The following IGF1R variants were observed in gnomAD, a reference collection of about 807,000 sequenced individuals.
IGF1R encodes insulin-like growth factor 1 receptor.
IGF1R carries 44 observed loss-of-function variants against 144.6 expected under a neutral mutation model. The observed-to-expected ratio is 0.30, with a 90% CI of 0.24 to 0.39. IGF1R has a LOEUF of 0.39. IGF1R is among the 10% of genes least tolerant of loss of function. IGF1R has a pLI of 1.00. For synonymous variants in IGF1R, 795 were observed against 722.8 expected (o/e 1.10, Z -1.60); for missense variants, 1,355 against 1,833.7 (o/e 0.74, Z 4.77).
rs891454274 is a variant in IGF1R, at chr15:98,868,270, T to C, written c.641-23055T>C. Among the ~76,000 whole-genome samples, 3 of 131,908 alleles carry C rather than the reference T, an allele frequency of 2.3e-5. No homozygotes were observed. The South Asian group carries it at 6.9e-4, about 30-fold the overall frequency. The allele number at this position is 131,908 out of a possible 152,430, so 86.5% of individuals were successfully genotyped here. On this transcript the variant is annotated intron_variant, in intron 2 of 20. Coordinates refer to ENST00000650285, the MANE Select transcript of IGF1R (RefSeq NM_000875.5). The stretch of plus-strand genomic sequence containing the variant: ...GCTGAGATGGAGGTCAAGGCTTCAG[T>C]GAGCCATGATGGCACCACTGCACTC...
At chr15:98,709,501 T>A (rs2053943869) in intron 2 of IGF1R, among the ~76,000 whole-genome samples, 1 of 152,254 alleles carries the variant, frequency 6.6e-6, no homozygotes, top group African/African-American at 2.4e-5. Context: ...TATGCTAAAG[T>A]CACTTGTGTG....
At chr15:98,912,477 C>G (rs1369711969) in intron 7 of IGF1R, among the ~76,000 whole-genome samples, 1 of 152,204 alleles carries the variant, frequency 6.6e-6, no homozygotes, top group African/African-American at 2.4e-5. Flanking sequence ...GTGCGAAGTA[C>G]TATATTCTCT....
intron 2 of IGF1R, among the ~76,000 whole-genome samples, chr15:98,789,928 T>C (rs2056090370): frequency 6.6e-6 from 1 of 152,204 alleles, no homozygotes; most frequent in Non-Finnish European, 1.5e-5. Context: ...CCTGATTTGC[T>C]TCAGATGTAC....
intron 2 of IGF1R, among the ~76,000 whole-genome samples, chr15:98,803,966 G>C (rs1384759644): frequency 6.6e-6 from 1 of 152,168 alleles, no homozygotes; most frequent in Non-Finnish European, 1.5e-5. Context: ...TGGCAGCACG[G>C]GTTTGTTTGC....
At chr15:98,843,463 A>G (rs1207719930) in intron 2 of IGF1R, among the ~76,000 whole-genome samples, 3 of 152,224 alleles carry the variant, frequency 2.0e-5, no homozygotes, top group Non-Finnish European at 4.4e-5. Flanking sequence ...GGTTTGTCTT[A>G]GCAATTTTGA....
intron 2 of IGF1R, among the ~76,000 whole-genome samples, chr15:98,749,849 ATAAT>A (rs937207549): frequency 6.6e-6 from 1 of 151,704 alleles, no homozygotes; most frequent in Non-Finnish European, 1.5e-5. Flanking sequence ...ACCTGAAAAA[ATAAT>A]TTTATCGTTT....
At chr15:98,678,794 G>C (rs1237488895) in intron 1 of IGF1R, among the ~76,000 whole-genome samples, 3 of 152,194 alleles carry the variant, frequency 2.0e-5, no homozygotes, top group African/African-American at 7.2e-5. Context: ...AAGGTGGTGG[G>C]ATTAACAGGT....
chr15:98,909,502 ACGTG>A (rs1486917236), intron 6 of IGF1R, among the ~76,000 whole-genome samples: 17 of 151,932 alleles, frequency 1.1e-4, no homozygotes, highest in African/African-American at 4.1e-4. Context: ...CAAATGATCC[ACGTG>A]CCTCAGCCTC....
At chr15:98,851,065 TG>T (rs1417806821) in intron 2 of IGF1R, among the ~76,000 whole-genome samples, 1 of 152,072 alleles carries the variant, frequency 6.6e-6, no homozygotes, top group African/African-American at 2.4e-5. Context: ...CTGCAGGAAG[TG>T]GGCTGGCCAG....
chr15:98,726,102 G>A (rs141049178), intron 2 of IGF1R, among the ~76,000 whole-genome samples: 1,680 of 152,298 alleles, frequency 0.011, 14 homozygotes, highest in African/African-American at 0.021. Context: ...TAGGTGCCAG[G>A]CACCTCGCCA....
chr15:98,832,235 C>A (rs545274697), intron 2 of IGF1R, among the ~76,000 whole-genome samples: 63 of 152,212 alleles, frequency 4.1e-4, no homozygotes, highest in Admixed American at 1.2e-3. Flanking sequence ...TCCAGGAGGG[C>A]AGGAATTATG....
At position 98,935,106 on chromosome 15, in the gene IGF1R, A is replaced by C. The variant is rs2016091761; in HGVS notation, c.3186+53A>C. 7.0e-7 allele frequency: 1 copy of C among 1,418,786 alleles called. No homozygotes were observed. 87.9% of individuals were successfully genotyped at this position (1,418,786 alleles called of 1,614,324 possible). ...ATGCAGCACAGGGAGAGGGTATCACACAAGCCTCCCAGTATGTTCTTGGCT... is the reference window on the plus strand; with the variant it reads ...ATGCAGCACAGGGAGAGGGTATCACCCAAGCCTCCCAGTATGTTCTTGGCT... On this transcript the variant is annotated intron_variant, in intron 16 of 20. Coordinates refer to ENST00000650285, the MANE Select transcript of IGF1R (RefSeq NM_000875.5). The surrounding 1 kb of genome is among the most constrained non-coding windows in gnomAD (Gnocchi z 4.2).
intron 2 of IGF1R, among the ~76,000 whole-genome samples, chr15:98,808,861 T>G (rs1194495043): frequency 6.6e-6 from 1 of 152,018 alleles, no homozygotes; most frequent in Non-Finnish European, 1.5e-5. Flanking sequence ...TATTTGTATT[T>G]TATTTTTATA....
chr15:98,958,700 GAA>G lies in IGF1R; in HGVS notation c.*1267_*1268del, dbSNP rs397772788. ...AGATATTCATCTATACGTCTGTACAGAAAAAAAAAAGCTGCTATTTTTTTTGT... is the reference window on the plus strand; with the variant it reads ...AGATATTCATCTATACGTCTGTACAGAAAAAAAAGCTGCTATTTTTTTTGT... On this transcript the variant is annotated 3_prime_UTR_variant, in exon 21 of 21. Coordinates refer to ENST00000650285, the MANE Select transcript of IGF1R (RefSeq NM_000875.5). 6.0e-4 allele frequency: 133 copies of G among 222,314 alleles called. No homozygotes were observed. Among genetic ancestry groups the G allele is most frequent in the Non-Finnish European group, 1.0e-3 (116 of 111,854 alleles). The allele number at this position is 222,314 out of a possible 1,614,324, so 13.8% of individuals were successfully genotyped here.
intron 2 of IGF1R, among the ~76,000 whole-genome samples, chr15:98,839,332 C>T (rs909548848): frequency 6.6e-6 from 1 of 152,098 alleles, no homozygotes; most frequent in African/African-American, 2.4e-5. Context: ...CTCTAGAGTA[C>T]CTACTCTTAG....
At position 98,935,145 on chromosome 15, in the gene IGF1R, G is replaced by T. The variant is rs1596468844; in HGVS notation, c.3186+92G>T. ...ATGTTCTTGGCTGCATGTACCCGTG[G>T]GTTTGGTGTCTTGCCTTTGCCTTCT... On this transcript the variant is annotated intron_variant, in intron 16 of 20. Coordinates refer to ENST00000650285, the MANE Select transcript of IGF1R (RefSeq NM_000875.5). The surrounding 1 kb of genome is among the most constrained non-coding windows in gnomAD (Gnocchi z 4.2). 5 of 1,160,660 alleles carry T rather than the reference G, an allele frequency of 4.3e-6. No homozygotes were observed. The East Asian group carries it at 1.2e-4, about 28-fold the overall frequency. The allele number at this position is 1,160,660 out of a possible 1,614,324, so 71.9% of individuals were successfully genotyped here. A position where few individuals can be genotyped will look rare whatever the true frequency, so the allele number is the denominator to read the frequency against.
intron 2 of IGF1R, among the ~76,000 whole-genome samples, chr15:98,852,715 C>T (rs1423957843): frequency 6.6e-6 from 1 of 152,204 alleles, no homozygotes; most frequent in African/African-American, 2.4e-5. Context: ...ATCCCTCCCT[C>T]CGCCTCCCGC....
chr15:98,914,151 C>T (rs2015139316), intron 8 of IGF1R, among the ~76,000 whole-genome samples: 1 of 152,214 alleles, frequency 6.6e-6, no homozygotes, highest in African/African-American at 2.4e-5. Flanking sequence ...CGGGGCCTCT[C>T]ATAGAAGGGC....
At chr15:98,932,344 C>T (rs949612513) in intron 15 of IGF1R, among the ~76,000 whole-genome samples, 1 of 152,162 alleles carries the variant, frequency 6.6e-6, no homozygotes, top group African/African-American at 2.4e-5. Context: ...TTAAAAACTT[C>T]TTTTTCCCAA....
Sources: gnomAD v4.1 joint callset for allele counts (sites outside exome capture counted in the v4.1 genomes callset) on GRCh38, gnomAD v4.1.1 for gene constraint, Gnocchi (gnomAD v3.1) non-coding constraint, MANE v1.5 for transcripts, NCBI Gene and HGNC (gene_info 2026-07-23, HGNC 2026-07-21) for gene names.